The following CCDC60 variants were observed in gnomAD, a reference collection of about 807,000 sequenced individuals.
CCDC60 encodes coiled-coil domain-containing protein 60.
Under a neutral mutation model 63.5 loss-of-function variants are expected in CCDC60, and 54 were observed. The ratio of observed to expected loss-of-function variants is 0.85; its 90% CI spans 0.68 to 1.07. The LOEUF is 1.07. Among genes scored for constraint, CCDC60 ranks in the 50% least tolerant of loss-of-function variants. The pLI, the probability that CCDC60 is intolerant of heterozygous loss-of-function variation, is 0.00. For missense variants in CCDC60, 651 were observed against 684.3 expected, an observed-to-expected ratio of 0.95 and a Z score of 0.54; for synonymous variants, 206 against 238.8, an observed-to-expected ratio of 0.86 and a Z score of 1.27.
intron 7 of CCDC60, among the ~76,000 whole-genome samples, chr12:119,507,708 T>C (rs1353248106): frequency 6.8e-6 from 1 of 147,204 alleles, no homozygotes; most frequent in Non-Finnish European, 1.5e-5. Context: ...CTCAAACTCC[T>C]GGGCTCAAAC....
chr12:119,490,941 A>C (rs949395309), intron 5 of CCDC60, among the ~76,000 whole-genome samples: 1 of 152,240 alleles, frequency 6.6e-6, no homozygotes, highest in African/African-American at 2.4e-5. Context: ...AAAAATGTAT[A>C]AGTATATAAA....
intron 13 of CCDC60, among the ~76,000 whole-genome samples, 174 bp from the exon 14 acceptor site, chr12:119,540,440 C>G (rs906084701): frequency 3.9e-5 from 6 of 152,132 alleles, no homozygotes; most frequent in Non-Finnish European, 8.8e-5. Flanking sequence ...GAAAGGGGTC[C>G]TCTTCACCAA....
chr12:119,427,241 G>A (rs909309539), intron 1 of CCDC60, among the ~76,000 whole-genome samples: 1 of 152,100 alleles, frequency 6.6e-6, no homozygotes, highest in African/African-American at 2.4e-5. Flanking sequence ...GCATTTTGGA[G>A]CTATGTCATT....
intron 11 of CCDC60, among the ~76,000 whole-genome samples, chr12:119,527,811 G>C (rs1182650444): frequency 6.6e-6 from 1 of 151,252 alleles, no homozygotes; most frequent in African/African-American, 2.4e-5. Flanking sequence ...CGAGTAGCTG[G>C]GACTACAGGC....
rs565043302 is a variant in CCDC60, at chr12:119,431,320, T to C, written c.170+2558T>C. Reference sequence around the variant, plus strand: ...AGGAAGGCCAGTGAGTCAGGAGTGCTGATTGGCTGGGTCAGAGATGAAATC... The same window carrying C: ...AGGAAGGCCAGTGAGTCAGGAGTGCCGATTGGCTGGGTCAGAGATGAAATC... On this transcript the variant is annotated intron_variant, in intron 2 of 13. Coordinates refer to ENST00000327554, the MANE Select transcript of CCDC60 (RefSeq NM_178499.5). 7.2e-5 allele frequency among the ~76,000 whole-genome samples: 11 copies of C among 152,346 alleles called. No homozygotes were observed. The South Asian group carries it at 2.1e-3, about 29-fold the overall frequency.
intron 4 of CCDC60, among the ~76,000 whole-genome samples, chr12:119,486,471 G>A (rs489673): frequency 0.52 from 78,716 of 152,084 alleles, 21,143 homozygotes; most frequent in East Asian, 0.85. Flanking sequence ...CCAGGAGTTG[G>A]AGGCTGCAGC....
intron 13 of CCDC60, among the ~76,000 whole-genome samples, chr12:119,539,476 A>G (rs547476418): frequency 1.3e-5 from 2 of 152,268 alleles, no homozygotes; most frequent in South Asian, 4.1e-4. Context: ...GGCTTTGTTT[A>G]CACTGTGAGG....
At chr12:119,429,000 T>G (rs965351779) in intron 2 of CCDC60, 7 of 415,222 alleles carry the variant, frequency 1.7e-5, no homozygotes, top group Non-Finnish European at 3.0e-5. Context: ...CCCTCTGCTT[T>G]TCTTCCTGGA....
chr12:119,512,937 C>T (rs1437344167), intron 7 of CCDC60, among the ~76,000 whole-genome samples: 1 of 152,200 alleles, frequency 6.6e-6, no homozygotes, highest in Non-Finnish European at 1.5e-5. Flanking sequence ...CTCTGATCTC[C>T]AATGGCTCTC....
intron 5 of CCDC60, among the ~76,000 whole-genome samples, chr12:119,498,667 G>A (rs1312260813): frequency 1.3e-5 from 2 of 152,146 alleles, no homozygotes; most frequent in African/African-American, 4.8e-5. Context: ...TGCTAGGCGA[G>A]AGCTAGACAA....
At chr12:119,339,745 C>G (rs1311827349) in intron 1 of CCDC60, among the ~76,000 whole-genome samples, 2 of 152,168 alleles carry the variant, frequency 1.3e-5, no homozygotes, top group Admixed American at 1.3e-4. Context: ...GAGGTCAAGG[C>G]TGCAGTGAAC....
chr12:119,507,391 G>T (rs573836330), intron 7 of CCDC60, among the ~76,000 whole-genome samples: 47 of 150,142 alleles, frequency 3.1e-4, no homozygotes, highest in Non-Finnish European at 6.1e-4. Flanking sequence ...AACTAAGATA[G>T]ACCATCAGCA....
rs1200749394 is a variant in CCDC60 at position 119,469,263 on chromosome 12, T to TAG, written c.171-2731_171-2730insAG. Among the ~76,000 whole-genome samples, 3 of 152,168 alleles carry TAG rather than the reference T, an allele frequency of 2.0e-5. No homozygotes were observed. The East Asian group carries it at 5.8e-4, about 29-fold the overall frequency. On this transcript the variant is annotated intron_variant, in intron 2 of 13. Transcript: ENST00000327554. ...ACTTTCTTGCTTTTCAAAAAATTTT[T>TAG]TGAGATGGAGTCTCACTCTGTCACT...
At chr12:119,360,331 A>G (rs1448519833) in intron 1 of CCDC60, among the ~76,000 whole-genome samples, 39 of 85,668 alleles carry the variant, frequency 4.6e-4, no homozygotes, top group Non-Finnish European at 6.5e-4. Flanking sequence ...GCGGCTGGCC[A>G]GGCGGGGGGC....
At chr12:119,442,571 T>C (rs1778604000) in intron 2 of CCDC60, among the ~76,000 whole-genome samples, 1 of 152,266 alleles carries the variant, frequency 6.6e-6, no homozygotes, top group South Asian at 2.1e-4. Flanking sequence ...CATTATATCA[T>C]TTTATCTGTA....
At chr12:119,454,675 A>G (rs1013306456) in intron 2 of CCDC60, among the ~76,000 whole-genome samples, 26 of 152,262 alleles carry the variant, frequency 1.7e-4, no homozygotes, top group African/African-American at 5.3e-4. Context: ...TTGGTCAAGA[A>G]AAAAGAAAGA....
intron 1 of CCDC60, among the ~76,000 whole-genome samples, chr12:119,396,661 C>T (rs992970973): frequency 3.3e-5 from 5 of 152,174 alleles, no homozygotes; most frequent in Non-Finnish European, 7.4e-5. Context: ...AGGAGGATCA[C>T]TTGAGGTCAA....
At chr12:119,380,101 A>C (rs189876040) in intron 1 of CCDC60, among the ~76,000 whole-genome samples, 5 of 152,338 alleles carry the variant, frequency 3.3e-5, no homozygotes, top group African/African-American at 1.2e-4. Context: ...CCTCACACAC[A>C]CATTCTCTAA....
intron 1 of CCDC60, among the ~76,000 whole-genome samples, chr12:119,418,537 C>A (rs1193165990): frequency 6.6e-6 from 1 of 151,396 alleles, no homozygotes; most frequent in Non-Finnish European, 1.5e-5. Flanking sequence ...GCCTCAGCCT[C>A]CTGAGTAGCT....
Sources: allele counts gnomAD v4.1 joint callset (sites outside exome capture counted in the v4.1 genomes callset), GRCh38; gene constraint gnomAD v4.1.1; transcripts MANE v1.5; gene names NCBI Gene and HGNC (gene_info 2026-07-23, HGNC 2026-07-21).